The following LTBP1 variants were observed in gnomAD, a reference collection of about 807,000 sequenced individuals.
LTBP1 encodes latent transforming growth factor beta binding protein 1, also known as latent-transforming growth factor beta-binding protein 1.
A neutral mutation model predicts 207.6 loss-of-function variants in LTBP1; 129 were observed. The ratio of observed to expected loss-of-function variants is 0.62; its 90% CI spans 0.54 to 0.72. The LOEUF (loss-of-function observed/expected upper bound fraction) is 0.72, where lower values mean the gene tolerates loss of function less well. Among genes scored for constraint, LTBP1 ranks in the 30% least tolerant of loss-of-function variants. LTBP1 has a pLI of 0.00. For synonymous variants in LTBP1, 963 were observed against 833.7 expected (o/e 1.16, Z -2.67); for missense variants, 2,281 against 2,217.2 (o/e 1.03, Z -0.58).
chr2:33,212,058 T>A (rs1256526296), intron 7 of LTBP1, among the ~76,000 whole-genome samples: 1 of 152,212 alleles, frequency 6.6e-6, no homozygotes, highest in African/African-American at 2.4e-5. Context: ...AATTAAAGGT[T>A]TTTTTCACTA....
At position 33,360,611 on chromosome 2, in the gene LTBP1, G is replaced by A. The variant is rs1559066800; in HGVS notation, c.4015G>A (p.Val1339Ile). ...SRTSTDLDVD[V>I]DQPKEEKKEC... Reference sequence around the variant, plus strand: ...ACTCCATTTAGATTTAGATGTAGATGTAGATCAACCCAAAGAAGAAAAGAA... The same window carrying A: ...ACTCCATTTAGATTTAGATGTAGATATAGATCAACCCAAAGAAGAAAAGAA... The change falls in exon 27 of 34, where the codon GTA becomes ATA. Residue 1339 changes from valine (V) to isoleucine (I), a missense_variant. Val to Ile is a conservative substitution (Grantham distance 29). This residue lies in a region of LTBP1 where 1,671 missense variants were observed against 1,634.8 expected (regional missense o/e 1.02). Transcript: ENST00000404816. 3 of 1,612,706 alleles carry A rather than the reference G, an allele frequency of 1.9e-6. No individual in the cohort carries two copies. The highest frequency in any genetic ancestry group is 4.5e-5 in the East Asian group (2 of 44,870).
At chr2:33,118,162 T>C (rs1361923553) in intron 4 of LTBP1, among the ~76,000 whole-genome samples, 5 of 138,932 alleles carry the variant, frequency 3.6e-5, no homozygotes, top group African/African-American at 1.4e-4. Flanking sequence ...AAGCCCTCCC[T>C]ACATGGAGAC....
intron 9 of LTBP1, among the ~76,000 whole-genome samples, chr2:33,223,272 G>A (rs544325391): frequency 6.6e-6 from 1 of 152,266 alleles, no homozygotes; most frequent in South Asian, 2.1e-4. Context: ...TGTCTATAGT[G>A]CATCTGTGTA....
intron 2 of LTBP1, among the ~76,000 whole-genome samples, chr2:32,952,966 A>G (rs546809448): frequency 6.6e-6 from 1 of 152,336 alleles, no homozygotes; most frequent in African/African-American, 2.4e-5. Context: ...ACCATGTGCC[A>G]GGTTCTATGA....
chr2:33,273,123 G>T (rs1349948593), intron 15 of LTBP1, among the ~76,000 whole-genome samples: 1 of 152,148 alleles, frequency 6.6e-6, no homozygotes, highest in Non-Finnish European at 1.5e-5. Context: ...ACACCAAGAA[G>T]TTTTTCTTTG....
intron 2 of LTBP1, among the ~76,000 whole-genome samples, chr2:32,976,460 T>C (rs1187062383): frequency 6.6e-6 from 1 of 152,202 alleles, no homozygotes; most frequent in Non-Finnish European, 1.5e-5. Flanking sequence ...TGGCAAAATA[T>C]TTTACCATTG....
chr2:33,241,129 G>A (rs909259981), intron 9 of LTBP1, among the ~76,000 whole-genome samples: 1 of 152,086 alleles, frequency 6.6e-6, no homozygotes, highest in African/African-American at 2.4e-5. Context: ...ATGAACCAAG[G>A]CAGTTGAAGG....
chr2:33,254,004 C>G (rs1396990899), intron 11 of LTBP1, among the ~76,000 whole-genome samples: 2 of 151,326 alleles, frequency 1.3e-5, no homozygotes, highest in African/African-American at 4.9e-5. Flanking sequence ...ATTCTCCTGC[C>G]TCAGCCTCCC....
intron 3 of LTBP1, among the ~76,000 whole-genome samples, chr2:33,070,851 G>A (rs1486124630): frequency 6.6e-6 from 1 of 152,150 alleles, no homozygotes; most frequent in East Asian, 1.9e-4. Context: ...CAGGGGAATA[G>A]GGTCAAAACT....
At chr2:33,115,037 TACACACACACACAC>T (rs60544598) in intron 4 of LTBP1, among the ~76,000 whole-genome samples, 5 of 145,150 alleles carry the variant, frequency 3.4e-5, no homozygotes, top group African/African-American at 1.3e-4. Context: ...AACAGATATA[TACACACACACACAC>T]ACACACACAC....
Position 33,188,569 on chromosome 2 carries a change from T to C in LTBP1, c.1427-8T>C. On this transcript the variant is annotated splice_polypyrimidine_tract_variant and splice_region_variant and intron_variant, in intron 6 of 33. Transcript: ENST00000404816. Reference sequence around the variant, plus strand: ...GGACTAACAAGTTTTCCTCCCAATCTGTTGTAGTGAAATTTCCTCCTAACA... The same window carrying C: ...GGACTAACAAGTTTTCCTCCCAATCCGTTGTAGTGAAATTTCCTCCTAACA... 6.2e-7 allele frequency: 1 copy of C among 1,603,314 alleles called. No individual in the cohort carries two copies.
At chr2:32,981,473 T>C (rs899646585) in intron 2 of LTBP1, among the ~76,000 whole-genome samples, 5 of 152,352 alleles carry the variant, frequency 3.3e-5, no homozygotes, top group South Asian at 2.1e-4. Context: ...TTCTGATGGA[T>C]CTATGCAGAG....
intron 16 of LTBP1, 127 bp from the exon 17 acceptor site, chr2:33,274,838 T>C: frequency 2.4e-6 from 2 of 829,642 alleles, no homozygotes; most frequent in Non-Finnish European, 3.8e-6. Context: ...GTGTCTCCTT[T>C]TGCTGTTGTC....
chr2:33,320,991 C>T (rs1291378853), intron 24 of LTBP1, among the ~76,000 whole-genome samples: 1 of 151,768 alleles, frequency 6.6e-6, no homozygotes, highest in Admixed American at 6.6e-5. Flanking sequence ...AAATGAAAAC[C>T]TTTCATTTTA....
At chr2:33,382,530 G>C (rs2095228079) in intron 31 of LTBP1, among the ~76,000 whole-genome samples, 1 of 152,084 alleles carries the variant, frequency 6.6e-6, no homozygotes, top group Non-Finnish European at 1.5e-5. Context: ...GCTCTTCCAG[G>C]ATGACTTTAG....
chr2:33,201,649 A>C (rs2089293329), intron 7 of LTBP1, among the ~76,000 whole-genome samples: 1 of 152,020 alleles, frequency 6.6e-6, no homozygotes, highest in South Asian at 2.1e-4. Flanking sequence ...AAAAAGAAGA[A>C]GAAAAAAAAA....
chr2:33,071,587 T>A (rs1174988144), intron 3 of LTBP1, among the ~76,000 whole-genome samples: 2 of 151,990 alleles, frequency 1.3e-5, no homozygotes, highest in African/African-American at 4.8e-5. Context: ...AAGGGTGTGG[T>A]CCACAAGCTA....
intron 26 of LTBP1, among the ~76,000 whole-genome samples, chr2:33,348,216 T>A (rs545905526): frequency 5.1e-4 from 77 of 152,350 alleles, no homozygotes; most frequent in African/African-American, 1.8e-3. Flanking sequence ...CATTTTTTTT[T>A]CTTTCTCAGT....
chr2:33,228,785 C>T lies in LTBP1; in HGVS notation c.1876+6634C>T, dbSNP rs531747992. Among the ~76,000 whole-genome samples the T allele has an allele frequency of 1.4e-4, 20 of 144,726 alleles. No homozygotes were observed. In the South Asian group the frequency reaches 2.4e-3, roughly 18 times the overall value. The allele number at this position is 144,726 out of a possible 152,430, so 94.9% of individuals were successfully genotyped here. On this transcript the variant is annotated intron_variant, in intron 9 of 33. Coordinates refer to ENST00000404816, the MANE Select transcript of LTBP1 (RefSeq NM_206943.4). ...TGCAATCTCGGCTCACTGCAATCTC[C>T]GCCTCCTGGGTTCAAGCGATTCCCC...
Sources: gnomAD v4.1 joint callset for allele counts (sites outside exome capture counted in the v4.1 genomes callset) on GRCh38, gnomAD v4.1.1 for gene constraint, gnomAD v4.1.1 regional missense constraint, MANE v1.5 for transcripts, NCBI Gene and HGNC (gene_info 2026-07-23, HGNC 2026-07-21) for gene names.